The following BLTP3B variants were observed in gnomAD, a reference collection of about 807,000 sequenced individuals.
The protein encoded by BLTP3B is bridge-like lipid transfer protein family member 3B, also known as UHRF1 (ICBP90) binding protein 1-like.
At chr12:100,129,805 G>A in the BLTP3B span, among the ~76,000 whole-genome samples, 1 of 152,138 alleles carries the variant, frequency 6.6e-6, no homozygotes, top group Non-Finnish European at 1.5e-5. Context: ...TGTAATATTG[G>A]AAATTAAAAT....
At chr12:100,097,255 C>T in the BLTP3B span, 3 of 1,147,136 alleles carry the variant, frequency 2.6e-6, no homozygotes, top group Admixed American at 3.0e-5. Context: ...AATATTTCAC[C>T]TAAGACATTG....
chr12:100,058,506 G>A, the BLTP3B span: 2 of 1,613,362 alleles, frequency 1.2e-6, no homozygotes, highest in Non-Finnish European at 1.7e-6. Flanking sequence ...ATGATTAACA[G>A]TTACACTTCT....
the BLTP3B span, chr12:100,059,724 A>T: frequency 1.7e-6 from 2 of 1,155,150 alleles, no homozygotes; most frequent in Non-Finnish European, 2.4e-6. Flanking sequence ...TTACATGACC[A>T]CTAAGAAGAG....
chr12:100,134,863 A>C, the BLTP3B span, among the ~76,000 whole-genome samples: 1 of 152,140 alleles, frequency 6.6e-6, no homozygotes, highest in Non-Finnish European at 1.5e-5. Context: ...TACCTTCAAA[A>C]TACACCTAGA....
the BLTP3B span, among the ~76,000 whole-genome samples, chr12:100,107,611 G>A: frequency 6.6e-6 from 1 of 151,832 alleles, no homozygotes; most frequent in Non-Finnish European, 1.5e-5. Flanking sequence ...CTCCAGCCTG[G>A]TGACAGAGCA....
chr12:100,127,070 A>T, the BLTP3B span, among the ~76,000 whole-genome samples: 1 of 152,170 alleles, frequency 6.6e-6, no homozygotes, highest in Non-Finnish European at 1.5e-5. Context: ...AGGCCAAAAA[A>T]AAAAAAAGAT....
chr12:100,131,957 T>G, the BLTP3B span, among the ~76,000 whole-genome samples: 4 of 151,954 alleles, frequency 2.6e-5, no homozygotes, highest in Admixed American at 2.6e-4. Flanking sequence ...GCCCGGCTAA[T>G]TTTTTGTATT....
chr12:100,094,752 C>A, the BLTP3B span, among the ~76,000 whole-genome samples: 3 of 152,076 alleles, frequency 2.0e-5, no homozygotes, highest in Non-Finnish European at 4.4e-5. Context: ...CCCAGCTACG[C>A]GGGGGGCTGA....
the BLTP3B span, chr12:100,051,372 A>G: frequency 8.5e-6 from 5 of 587,694 alleles, no homozygotes; most frequent in Non-Finnish European, 1.1e-5. Flanking sequence ...ATTAGATTGT[A>G]ATTAGTTAGC....
At chr12:100,119,364 C>T in the BLTP3B span, among the ~76,000 whole-genome samples, 1 of 152,118 alleles carries the variant, frequency 6.6e-6, no homozygotes, top group Non-Finnish European at 1.5e-5. Context: ...GTCATCAATT[C>T]TCTCAAAAAG....
chr12:100,113,201 T>A, the BLTP3B span, among the ~76,000 whole-genome samples: 1 of 145,396 alleles, frequency 6.9e-6, no homozygotes, highest in Non-Finnish European at 1.5e-5. Context: ...CTCGGCCGGG[T>A]GCGGTGGCTC....
chr12:100,136,473 G>A, the BLTP3B span, among the ~76,000 whole-genome samples: 3 of 152,132 alleles, frequency 2.0e-5, no homozygotes, highest in Non-Finnish European at 4.4e-5. Flanking sequence ...CTGAAGCCAT[G>A]TCTTACTCAT....
the BLTP3B span, among the ~76,000 whole-genome samples, chr12:100,057,358 T>C: frequency 6.6e-6 from 1 of 152,092 alleles, no homozygotes; most frequent in Non-Finnish European, 1.5e-5. Context: ...GGGGCTATAA[T>C]GAACAATTAG....
At chr12:100,134,545 A>C in the BLTP3B span, among the ~76,000 whole-genome samples, 2 of 152,104 alleles carry the variant, frequency 1.3e-5, no homozygotes, top group Non-Finnish European at 2.9e-5. Context: ...TGAACCCAGA[A>C]GGCAGGGGTT....
chr12:100,128,321 A>G, the BLTP3B span, among the ~76,000 whole-genome samples: 3 of 152,196 alleles, frequency 2.0e-5, no homozygotes, highest in African/African-American at 7.2e-5. Context: ...AGAGATGGTT[A>G]TAACTTTAAG....
At chr12:100,094,893 A>T in the BLTP3B span, among the ~76,000 whole-genome samples, 3 of 152,176 alleles carry the variant, frequency 2.0e-5, no homozygotes, top group Non-Finnish European at 4.4e-5. Flanking sequence ...TCCCATGTAC[A>T]AAGCTGGATC....
chr12:100,055,005 TAATA>T, the BLTP3B span, among the ~76,000 whole-genome samples: 3 of 152,312 alleles, frequency 2.0e-5, no homozygotes, highest in African/African-American at 4.8e-5. Flanking sequence ...AAGGGTGGTT[TAATA>T]AATGTTTGCT....
At chr12:100,086,372 A>G in the BLTP3B span, 705 of 439,662 alleles carry the variant, frequency 1.6e-3, 2 homozygotes, top group South Asian at 5.6e-3. Context: ...GGAAAAAAAA[A>G]GGGGGGGGGG....
At chr12:100,084,568 T>TGTG in the BLTP3B span, 1 of 1,614,030 alleles carries the variant, frequency 6.2e-7, no homozygotes, top group Non-Finnish European at 8.5e-7. Context: ...CATTTCAACG[T>TGTG]TGCACTCAAA....
Sources: gnomAD v4.1 joint callset for allele counts (sites outside exome capture counted in the v4.1 genomes callset) on GRCh38, gnomAD v4.1.1 for gene constraint, MANE v1.5 for transcripts, NCBI Gene and HGNC (gene_info 2026-07-23, HGNC 2026-07-21) for gene names.